The following CT55 variants were observed in gnomAD, a reference collection of about 807,000 sequenced individuals.
CT55 encodes cancer/testis antigen 55.
In CT55, 1 loss-of-function variant was observed where a neutral mutation model predicts 12.6. The ratio of observed to expected loss-of-function variants is 0.08; its 90% CI spans 0.03 to 0.38. The LOEUF (loss-of-function observed/expected upper bound fraction) is 0.38, where lower values mean the gene tolerates loss of function less well. Ranked by LOEUF, CT55 falls within the 10% of genes least tolerant of loss-of-function variation. The pLI, the probability that CT55 is intolerant of heterozygous loss-of-function variation, is 0.99. For missense variants in CT55, 109 were observed against 135.4 expected (o/e 0.80, Z 0.97); for synonymous variants, 43 against 49.7 (o/e 0.87, Z 0.57).
chrX:135,160,068 A>G (rs1209410737), intron 3 of CT55, among the ~76,000 whole-genome samples: 1 of 111,716 alleles, frequency 9.0e-6, no homozygotes, highest in Non-Finnish European at 1.9e-5. Context: ...CCAACTACAG[A>G]AATGATGCCT....
intron 2 of CT55, among the ~76,000 whole-genome samples, chrX:135,168,632 A>G (rs781785995): frequency 1.8e-5 from 2 of 111,746 alleles, no homozygotes; most frequent in African/African-American, 3.2e-5. Context: ...AGTAATGAAA[A>G]TGTTCTAAAG....
intron 2 of CT55, among the ~76,000 whole-genome samples, chrX:135,160,858 C>T (rs782462339): frequency 9.0e-6 from 1 of 111,315 alleles, no homozygotes; most frequent in South Asian, 3.8e-4. Flanking sequence ...AGTGAAATGA[C>T]GGTAAAGTGG....
At chrX:135,168,836 T>C (rs1330983899) in intron 2 of CT55, among the ~76,000 whole-genome samples, 43 of 112,355 alleles carry the variant, frequency 3.8e-4, no homozygotes, top group African/African-American at 1.3e-3. Context: ...ACTTTCCTAT[T>C]ACAAATCTAA....
chrX:135,171,618 C>T (rs1437357920), upstream of CT55, among the ~76,000 whole-genome samples: 2 of 111,421 alleles, frequency 1.8e-5, no homozygotes, highest in East Asian at 2.8e-4. Context: ...TCTTGGGTTC[C>T]CTGGGAGGAT....
intron 2 of CT55, 72 bp from the exon 3 acceptor site, chrX:135,160,627 A>C: frequency 1.9e-5 from 20 of 1,070,944 alleles, no homozygotes; most frequent in Non-Finnish European, 2.5e-5. Flanking sequence ...TGATTAAAAG[A>C]CTTGTATTCA....
intron 2 of CT55, among the ~76,000 whole-genome samples, chrX:135,168,152 T>G (rs2083594032): frequency 8.9e-6 from 1 of 112,327 alleles, no homozygotes; most frequent in Admixed American, 9.4e-5. Flanking sequence ...CCATGTTTGT[T>G]GCAGCCCTAT....
chrX:135,160,981 T>C (rs1448187894), intron 2 of CT55, among the ~76,000 whole-genome samples: 4 of 110,322 alleles, frequency 3.6e-5, no homozygotes, highest in Non-Finnish European at 7.6e-5. Context: ...AATAGAAGCA[T>C]TGTTTAGGGG....
intron 2 of CT55, among the ~76,000 whole-genome samples, chrX:135,168,950 A>G (rs2083598792): frequency 8.9e-6 from 1 of 112,424 alleles, no homozygotes; most frequent in African/African-American, 3.2e-5. Flanking sequence ...TTCCAAATGA[A>G]TGATGAGACT....
chrX:135,164,068 G>A (rs2083573275), intron 2 of CT55, among the ~76,000 whole-genome samples: 1 of 111,628 alleles, frequency 9.0e-6, no homozygotes, highest in Non-Finnish European at 1.9e-5. Flanking sequence ...CTGACGTAAG[G>A]GACGCTAATG....
intron 2 of CT55, among the ~76,000 whole-genome samples, chrX:135,166,871 A>G (rs1402063922): frequency 8.9e-6 from 1 of 111,902 alleles, no homozygotes; most frequent in African/African-American, 3.2e-5. Flanking sequence ...AAAAAAATTA[A>G]AATAGGAATA....
At chrX:135,170,309 C>A (rs181024439) in intron 1 of CT55, among the ~76,000 whole-genome samples, 78 of 112,619 alleles carry the variant, frequency 6.9e-4, no homozygotes, top group African/African-American at 2.3e-3. Flanking sequence ...GCCCAGCTTA[C>A]GAATATTAAC....
rs185970798 is a variant in CT55, at chrX:135,161,705, G to A, written c.280-1150C>T. 3.6e-4 allele frequency among the ~76,000 whole-genome samples: 40 copies of A among 112,401 alleles called. No individual in the cohort carries two copies. In the East Asian group the frequency reaches 9.2e-3, roughly 26 times the overall value. ...TGGCATTTGCTGAGCAGAGACTTCT[G>A]ATGGAAACTTGAGCCACTGAGTTGT... On this transcript the variant is annotated intron_variant, in intron 2 of 5. Coordinates refer to ENST00000276241, the MANE Select transcript of CT55 (RefSeq NM_001031705.3).
intron 1 of CT55, among the ~76,000 whole-genome samples, chrX:135,170,231 T>A (rs1291406686): frequency 6.3e-5 from 7 of 111,523 alleles, no homozygotes; most frequent in Non-Finnish European, 1.3e-4. Flanking sequence ...GGTCTCCAGC[T>A]CCTGGCCTCA....
At chrX:135,160,896 G>A (rs1209656426) in intron 2 of CT55, among the ~76,000 whole-genome samples, 1 of 111,774 alleles carries the variant, frequency 8.9e-6, no homozygotes, top group African/African-American at 3.3e-5. Flanking sequence ...AGCAGGTTGC[G>A]ATGAAGGATA....
intron 3 of CT55, among the ~76,000 whole-genome samples, chrX:135,159,249 T>C (rs1326648024): frequency 9.1e-6 from 1 of 109,324 alleles, no homozygotes; most frequent in Non-Finnish European, 1.9e-5. Context: ...CTCTGATAAT[T>C]TACATACATT....
At chrX:135,161,088 C>T (rs1385814876) in intron 2 of CT55, among the ~76,000 whole-genome samples, 1 of 109,264 alleles carries the variant, frequency 9.2e-6, no homozygotes, top group African/African-American at 3.3e-5. Context: ...GGGAGCAAAA[C>T]CCTAACATCC....
chrX:135,171,730 T>A (rs781872264), upstream of CT55, among the ~76,000 whole-genome samples: 173 of 111,705 alleles, frequency 1.5e-3, 1 homozygote, highest in African/African-American at 5.4e-3. Context: ...GGTCAATAGT[T>A]ACTCCTCACC....
intron 1 of CT55, 51 bp downstream of exon 1, chrX:135,171,027 C>CCT: frequency 8.3e-7 from 1 of 1,197,878 alleles, no homozygotes. Context: ...GAGGAGAACC[C>CCT]CTATTGGGAG....
chrX:135,158,266 G>A lies in CT55; in HGVS notation c.470C>T (p.Thr157Ile). 8.3e-7 allele frequency: 1 copy of A among 1,208,911 alleles called. No individual in the cohort carries two copies. Among genetic ancestry groups the A allele is most frequent in the East Asian group, 3.0e-5 (1 of 33,831 alleles). The change falls in exon 4 of 6, where the codon ACT becomes ATT. Residue 157 changes from threonine to isoleucine, a missense_variant. Transcript: ENST00000276241. ...CTTGATGTTTGAGATGCCTGGCTCAGTGGAATATTCAACTTCTAACAAGTC... is the reference window on the plus strand; with the variant it reads ...CTTGATGTTTGAGATGCCTGGCTCAATGGAATATTCAACTTCTAACAAGTC... ...KGDLLEVEYS[T>I]EPGISNIKAT...
Sources: allele counts gnomAD v4.1 joint callset (sites outside exome capture counted in the v4.1 genomes callset), GRCh38; gene constraint gnomAD v4.1.1; transcripts MANE v1.5; gene names NCBI Gene and HGNC (gene_info 2026-07-23, HGNC 2026-07-21).